EYS: variants seen among roughly 807,000 people sequenced by gnomAD.
The protein encoded by EYS is EGF-like photoreceptor maintenance factor.
Under a neutral mutation model 282.1 loss-of-function variants are expected in EYS, and 250 were observed. The observed-to-expected ratio is 0.89, with a 90% CI of 0.80 to 0.98. EYS has a LOEUF of 0.98. Ranked by LOEUF, EYS falls within the 50% of genes least tolerant of loss-of-function variation. The pLI is 0.00. For synonymous variants in EYS, 1,355 were observed against 1,282.9 expected, an observed-to-expected ratio of 1.06 and a Z score of -1.20; for missense variants, 4,016 against 3,709.0, an observed-to-expected ratio of 1.08 and a Z score of -2.15.
chr6:64,261,375 T>TA (rs1331395995), intron 30 of EYS, among the ~76,000 whole-genome samples: 1 of 152,120 alleles, frequency 6.6e-6, no homozygotes, highest in Non-Finnish European at 1.5e-5. Context: ...TTAATACTGT[T>TA]AGAGTTTTGG....
At chr6:65,009,523 G>C (rs957422098) in intron 13 of EYS, among the ~76,000 whole-genome samples, 2 of 151,912 alleles carry the variant, frequency 1.3e-5, no homozygotes, top group African/African-American at 2.4e-5. Flanking sequence ...ATCAATTCTT[G>C]GTTGCCTTTG....
At chr6:63,836,347 G>T (rs1280213599) in intron 36 of EYS, among the ~76,000 whole-genome samples, 1 of 151,258 alleles carries the variant, frequency 6.6e-6, no homozygotes, top group East Asian at 1.9e-4. Flanking sequence ...AAAAAAATTT[G>T]GTAAAATATT....
intron 28 of EYS, among the ~76,000 whole-genome samples, chr6:64,404,674 T>C (rs1240710120): frequency 1.3e-5 from 2 of 152,132 alleles, no homozygotes; most frequent in East Asian, 3.9e-4. Context: ...AACATCAAGA[T>C]GCTTAATGGG....
chr6:64,796,797 G>A (rs1305445814), intron 22 of EYS, among the ~76,000 whole-genome samples: 3 of 152,100 alleles, frequency 2.0e-5, no homozygotes, highest in African/African-American at 2.4e-5. Flanking sequence ...CCTAGACACC[G>A]TTTAAGCCTC....
intron 13 of EYS, among the ~76,000 whole-genome samples, chr6:65,003,771 C>A (rs1443954102): frequency 1.4e-5 from 2 of 147,418 alleles, no homozygotes; most frequent in African/African-American, 4.9e-5. Flanking sequence ...TTACCTGATA[C>A]TGAGGGATCA....
At chr6:65,091,780 A>C (rs1774576065) in intron 12 of EYS, among the ~76,000 whole-genome samples, 1 of 152,116 alleles carries the variant, frequency 6.6e-6, no homozygotes, top group Admixed American at 6.5e-5. Context: ...CATGCACTAC[A>C]TAATTACATT....
intron 5 of EYS, among the ~76,000 whole-genome samples, chr6:65,459,557 A>T (rs1186027812): frequency 3.3e-5 from 5 of 152,022 alleles, no homozygotes; most frequent in Non-Finnish European, 7.4e-5. Flanking sequence ...TGACAATTTA[A>T]TGAATGAAAA....
rs80117487 is a variant in EYS at position 64,992,278 on chromosome 6, T to C, written c.2259+5304A>G. The stretch of plus-strand genomic sequence containing the variant: ...AACTTGTATGAATACTATAAGAAGT[T>C]TTCATTTCGTTTTATGATTCTAATA... On this transcript the variant is annotated intron_variant, in intron 14 of 42. Coordinates refer to ENST00000503581, the MANE Select transcript of EYS (RefSeq NM_001142800.2). 4.0e-4 allele frequency among the ~76,000 whole-genome samples: 61 copies of C among 152,004 alleles called. No individual in the cohort carries two copies. In the East Asian group the frequency reaches 9.9e-3, roughly 25 times the overall value.
At chr6:64,095,361 G>T (rs951404010) in intron 31 of EYS, among the ~76,000 whole-genome samples, 14 of 152,096 alleles carry the variant, frequency 9.2e-5, no homozygotes, top group Non-Finnish European at 1.6e-4. Flanking sequence ...GGGTGTTAAA[G>T]TCTCCCATTA....
At chr6:64,703,410 C>CACACACACACACACATATATAT (rs1447947508) in intron 22 of EYS, among the ~76,000 whole-genome samples, 1 of 51,544 alleles carries the variant, frequency 1.9e-5, no homozygotes, top group South Asian at 8.3e-4. Flanking sequence ...CACACACACA[C>CACACACACACACACATATATAT]ATATATATAT....
chr6:64,849,163 T>C, intron 19 of EYS, among the ~76,000 whole-genome samples: 1 of 151,976 alleles, frequency 6.6e-6, no homozygotes. Context: ...AAAAACATGT[T>C]AAAGAGAAAA....
chr6:65,454,885 C>T (rs900560755), intron 5 of EYS, among the ~76,000 whole-genome samples: 1 of 151,944 alleles, frequency 6.6e-6, no homozygotes, highest in African/African-American at 2.4e-5. Flanking sequence ...TATGCCAGTA[C>T]CATGCTCTTT....
intron 15 of EYS, among the ~76,000 whole-genome samples, chr6:64,933,533 T>C (rs1768800300): frequency 6.6e-6 from 1 of 152,106 alleles, no homozygotes; most frequent in Admixed American, 6.6e-5. Flanking sequence ...ACACTGTTGG[T>C]GGGAGTGTAA....
chr6:64,466,637 T>TA (rs1431942992), intron 26 of EYS, among the ~76,000 whole-genome samples: 1 of 152,102 alleles, frequency 6.6e-6, no homozygotes, highest in Non-Finnish European at 1.5e-5. Context: ...ATATACAGTG[T>TA]CAATTAGAAG....
chr6:65,158,032 C>G (rs988638414), intron 12 of EYS, among the ~76,000 whole-genome samples: 13 of 150,716 alleles, frequency 8.6e-5, no homozygotes, highest in African/African-American at 2.7e-4. Flanking sequence ...AATATCATAC[C>G]AACCTTATAA....
chr6:64,946,054 A>C, intron 14 of EYS, 140 bp from the exon 15 acceptor site: 2 of 593,362 alleles, frequency 3.4e-6, no homozygotes, highest in Non-Finnish European at 5.4e-6. Context: ...CTCCCCCCAA[A>C]TGACTTTTAC....
intron 22 of EYS, among the ~76,000 whole-genome samples, chr6:64,694,976 C>A (rs1484902546): frequency 6.6e-6 from 1 of 152,104 alleles, no homozygotes; most frequent in Non-Finnish European, 1.5e-5. Context: ...ACCTGCTAGT[C>A]TCTGGAGCCT....
intron 36 of EYS, among the ~76,000 whole-genome samples, chr6:63,810,315 C>A (rs183278657): frequency 0.097 from 12,816 of 132,544 alleles, 686 homozygotes; most frequent in East Asian, 0.17. Flanking sequence ...CCCCCCCCCC[C>A]AAAAAAACCT....
chr6:65,606,977 T>C (rs529834710), intron 2 of EYS, among the ~76,000 whole-genome samples: 1 of 151,902 alleles, frequency 6.6e-6, no homozygotes, highest in Admixed American at 6.6e-5. Flanking sequence ...GAGTAGAATA[T>C]ACAAAAATCT....
Sources: gnomAD v4.1 joint callset for allele counts (sites outside exome capture counted in the v4.1 genomes callset) on GRCh38, gnomAD v4.1.1 for gene constraint, MANE v1.5 for transcripts, NCBI Gene and HGNC (gene_info 2026-07-23, HGNC 2026-07-21) for gene names.